Variants in PREX2 observed in about 807,000 individuals in gnomAD.
The protein encoded by PREX2 is phosphatidylinositol-3,4,5-trisphosphate dependent Rac exchange factor 2.
A neutral mutation model predicts 203.2 loss-of-function variants in PREX2; 107 were observed. The observed-to-expected ratio is 0.53, with a 90% CI of 0.45 to 0.62. PREX2 has a LOEUF of 0.62. Among genes scored for constraint, PREX2 ranks in the 20% least tolerant of loss-of-function variants. The pLI is 0.00. For missense variants in PREX2, 1,777 were observed against 1,955.9 expected, an observed-to-expected ratio of 0.91 and a Z score of 1.72; for synonymous variants, 672 against 663.6, an observed-to-expected ratio of 1.01 and a Z score of -0.19.
At chr8:68,149,594 T>C (rs1431851699) in intron 34 of PREX2, among the ~76,000 whole-genome samples, 1 of 151,860 alleles carries the variant, frequency 6.6e-6, no homozygotes, top group Non-Finnish European at 1.5e-5. Context: ...AAAATGAGAG[T>C]ACAAAGAGGA....
At chr8:68,141,333 C>T (rs1352835622) in intron 33 of PREX2, among the ~76,000 whole-genome samples, 1 of 152,108 alleles carries the variant, frequency 6.6e-6, no homozygotes, top group African/African-American at 2.4e-5. Flanking sequence ...TTTGAGTCCC[C>T]ACTATCCTTA....
At chr8:68,195,573 C>T (rs1376511646) in intron 37 of PREX2, among the ~76,000 whole-genome samples, 1 of 152,142 alleles carries the variant, frequency 6.6e-6, no homozygotes, top group Admixed American at 6.5e-5. Flanking sequence ...CCACAGAAGG[C>T]TGTTCCTAAA....
chr8:68,066,055 C>A (rs1172124273), intron 11 of PREX2, among the ~76,000 whole-genome samples: 1 of 152,076 alleles, frequency 6.6e-6, no homozygotes, highest in African/African-American at 2.4e-5. Context: ...CATTTAAGAT[C>A]TACTCTCTTA....
intron 23 of PREX2, chr8:68,105,357 G>T: frequency 7.3e-7 from 1 of 1,365,932 alleles, no homozygotes; most frequent in Non-Finnish European, 9.8e-7. Context: ...GAGGGCCCCT[G>T]TCTGATTCTT....
chr8:67,998,170 C>G (rs143991144), intron 1 of PREX2, among the ~76,000 whole-genome samples: 1,840 of 152,278 alleles, frequency 0.012, 14 homozygotes, highest in Non-Finnish European at 0.021. Flanking sequence ...GAGGAGTTTT[C>G]TTAGTGCCTT....
chr8:68,144,043 A>C (rs1811277171), intron 33 of PREX2, among the ~76,000 whole-genome samples: 1 of 152,070 alleles, frequency 6.6e-6, no homozygotes, highest in Non-Finnish European at 1.5e-5. Context: ...TATTTCATTG[A>C]TCTATTTGTC....
chr8:68,069,407 A>G (rs931144535), intron 12 of PREX2, among the ~76,000 whole-genome samples: 1 of 151,552 alleles, frequency 6.6e-6, no homozygotes, highest in Admixed American at 6.6e-5. Context: ...ATGTAGCAAC[A>G]TGTTGTCAAA....
At chr8:68,186,423 G>A (rs537317076) in intron 35 of PREX2, among the ~76,000 whole-genome samples, 1 of 152,270 alleles carries the variant, frequency 6.6e-6, no homozygotes, top group East Asian at 1.9e-4. Context: ...TCTTTTAAGA[G>A]TATTTTAAAT....
chr8:68,120,175 G>A (rs891091525), intron 28 of PREX2, 21 bp from the exon 29 acceptor site: 35 of 1,505,184 alleles, frequency 2.3e-5, no homozygotes, highest in Non-Finnish European at 3.0e-5. Context: ...TATGTAACTC[G>A]GAAATCTCTA....
intron 35 of PREX2, among the ~76,000 whole-genome samples, chr8:68,160,713 G>T (rs898608160): frequency 3.9e-5 from 6 of 152,202 alleles, no homozygotes; most frequent in Non-Finnish European, 8.8e-5. Context: ...TACAAAATGA[G>T]ATTCATTTAG....
intron 1 of PREX2, 190 bp downstream of exon 1, chr8:67,952,725 G>T: frequency 1.3e-6 from 1 of 749,304 alleles, no homozygotes. Context: ...ATTTGTTGGT[G>T]CCCCGAGACT....
At chr8:68,183,844 TA>T (rs1240800122) in intron 35 of PREX2, among the ~76,000 whole-genome samples, 1 of 152,136 alleles carries the variant, frequency 6.6e-6, no homozygotes, top group East Asian at 1.9e-4. Context: ...AATGCTTTTT[TA>T]AAAAATATGG....
chr8:68,095,397 A>G (rs1810028895), intron 21 of PREX2, among the ~76,000 whole-genome samples: 1 of 152,120 alleles, frequency 6.6e-6, no homozygotes, highest in African/African-American at 2.4e-5. Flanking sequence ...AAACTCCGTT[A>G]TGTTCTAAAG....
In PREX2 at chr8:68,027,248, G is replaced by T. The variant is rs772266269; in HGVS notation, c.468G>T (p.Lys156Asn). The T allele has an allele frequency of 1.2e-6, 2 of 1,611,876 alleles. No homozygotes were observed. The highest frequency in any genetic ancestry group is 1.7e-6 in the Non-Finnish European group (2 of 1,178,390). Residue 156 changes from lysine to asparagine, a missense_variant, in exon 5 of 40, where the codon AAG (lysine) becomes AAT (asparagine). Coordinates refer to ENST00000288368, the MANE Select transcript of PREX2 (RefSeq NM_024870.4). ...LLNCMLLGGR[K>N]NTDVPLEGYL... is the part of the protein sequence containing the mutation. ...ACTGCATGCTGCTTGGAGGACGGAA[G>T]AACACAGATGTTCCCTTGGAAGGAT...
chr8:68,112,205 T>C (rs1810548706), intron 25 of PREX2, among the ~76,000 whole-genome samples: 1 of 152,228 alleles, frequency 6.6e-6, no homozygotes, highest in Non-Finnish European at 1.5e-5. Flanking sequence ...GATTTGTGAT[T>C]CCAATTTCAC....
chr8:68,123,322 A>G (rs1261323805), intron 30 of PREX2, among the ~76,000 whole-genome samples: 1 of 152,086 alleles, frequency 6.6e-6, no homozygotes, highest in African/African-American at 2.4e-5. Context: ...ACCACAACCA[A>G]AAGAACTATA....
intron 1 of PREX2, 43 bp downstream of exon 1, chr8:67,952,578 G>A (rs1177446462): frequency 1.3e-6 from 2 of 1,588,076 alleles, no homozygotes; most frequent in Non-Finnish European, 8.6e-7. Context: ...CGGGCGGCGC[G>A]GGGCGCGGGT....
chr8:68,086,537 G>A (rs1809697764), intron 18 of PREX2, among the ~76,000 whole-genome samples: 1 of 152,100 alleles, frequency 6.6e-6, no homozygotes, highest in Non-Finnish European at 1.5e-5. Flanking sequence ...ACAATTTATT[G>A]CGTTGTATTC....
intron 25 of PREX2, among the ~76,000 whole-genome samples, chr8:68,114,849 G>A (rs1810609125): frequency 1.3e-5 from 2 of 152,090 alleles, no homozygotes; most frequent in Admixed American, 1.3e-4. Flanking sequence ...TGCCAAATAG[G>A]GAATGCCTGG....
Sources: allele counts gnomAD v4.1 joint callset (sites outside exome capture counted in the v4.1 genomes callset), GRCh38; gene constraint gnomAD v4.1.1; transcripts MANE v1.5; gene names NCBI Gene and HGNC (gene_info 2026-07-23, HGNC 2026-07-21).